The following SLC24A4 variants were observed in gnomAD, a reference collection of about 807,000 sequenced individuals.
SLC24A4 encodes solute carrier family 24 member 4.
A neutral mutation model predicts 79.0 loss-of-function variants in SLC24A4; 53 were observed. That is an observed-to-expected ratio of 0.67 (90% CI 0.54 to 0.84). The LOEUF (loss-of-function observed/expected upper bound fraction) is 0.84. SLC24A4 is among the 40% of genes least tolerant of loss of function. SLC24A4 has a pLI of 0.00. For missense variants in SLC24A4, 731 were observed against 822.0 expected (o/e 0.89, Z 1.35); for synonymous variants, 323 against 323.8 (o/e 1.00, Z 0.03).
chr14:92,410,619 C>T (rs1890656553), intron 2 of SLC24A4, among the ~76,000 whole-genome samples: 1 of 152,198 alleles, frequency 6.6e-6, no homozygotes, highest in South Asian at 2.1e-4. Context: ...GGCCCTCTCC[C>T]ACACCCTTTA....
intron 12 of SLC24A4, among the ~76,000 whole-genome samples, chr14:92,466,242 A>G (rs1369012986): frequency 6.6e-6 from 1 of 152,238 alleles, no homozygotes; most frequent in Non-Finnish European, 1.5e-5. Context: ...GGAAGTTAAC[A>G]TGGTTAATAT....
chr14:92,399,590 GGT>G (rs1889978617), intron 2 of SLC24A4, among the ~76,000 whole-genome samples: 1 of 152,272 alleles, frequency 6.6e-6, no homozygotes, highest in East Asian at 1.9e-4. Flanking sequence ...ATTGCTTTCT[GGT>G]TATGGCTGTG....
At chr14:92,446,917 C>T (rs1430353336) in intron 8 of SLC24A4, among the ~76,000 whole-genome samples, 2 of 152,190 alleles carry the variant, frequency 1.3e-5, no homozygotes, top group East Asian at 3.9e-4. Flanking sequence ...CATATTCAGT[C>T]AGCTCTCAGG....
At chr14:92,447,248 C>T in intron 8 of SLC24A4, 123 bp from the exon 9 acceptor site, 1 of 802,172 alleles carries the variant, frequency 1.2e-6, no homozygotes, top group Admixed American at 2.1e-5. Context: ...GGGTTCTGGG[C>T]CCGGCACTAG....
chr14:92,350,513 A>T (rs1486104536), intron 2 of SLC24A4, among the ~76,000 whole-genome samples: 1 of 152,182 alleles, frequency 6.6e-6, no homozygotes, highest in Non-Finnish European at 1.5e-5. Flanking sequence ...CTTGGGTACC[A>T]TCCCTAAGGA....
intron 2 of SLC24A4, among the ~76,000 whole-genome samples, chr14:92,338,346 T>A (rs889065000): frequency 6.6e-6 from 1 of 151,730 alleles, no homozygotes; most frequent in Non-Finnish European, 1.5e-5. Flanking sequence ...ATATGATTAC[T>A]ACTGTTTGCC....
At chr14:92,329,367 G>A (rs1885336832) in intron 2 of SLC24A4, among the ~76,000 whole-genome samples, 1 of 152,202 alleles carries the variant, frequency 6.6e-6, no homozygotes, top group Non-Finnish European at 1.5e-5. Flanking sequence ...ATGGGACCCT[G>A]CTCTAGTCTT....
chr14:92,365,658 T>G (rs941640), intron 2 of SLC24A4, among the ~76,000 whole-genome samples: 10,534 of 152,288 alleles, frequency 0.069, 461 homozygotes, highest in Admixed American at 0.093. Flanking sequence ...TGCGAGTCAC[T>G]TGGGGTGTGT....
At chr14:92,448,345 T>TCACACACACACAC (rs1555371193) in intron 9 of SLC24A4, among the ~76,000 whole-genome samples, 1 of 131,952 alleles carries the variant, frequency 7.6e-6, no homozygotes, top group African/African-American at 2.9e-5. Flanking sequence ...TCCCACTACA[T>TCACACACACACAC]ACACACACAC....
At chr14:92,387,704 A>G (rs1377138162) in intron 2 of SLC24A4, among the ~76,000 whole-genome samples, 3 of 152,178 alleles carry the variant, frequency 2.0e-5, no homozygotes, top group Non-Finnish European at 4.4e-5. Context: ...CATGAGCACT[A>G]ACTCCACATT....
At chr14:92,333,816 C>T (rs1035549646) in intron 2 of SLC24A4, among the ~76,000 whole-genome samples, 6 of 127,880 alleles carry the variant, frequency 4.7e-5, no homozygotes, top group East Asian at 2.3e-4. Flanking sequence ...TTGTGGGGTG[C>T]GGGGGGAGAG....
chr14:92,471,854 T>A (rs1229820010), intron 12 of SLC24A4, among the ~76,000 whole-genome samples: 1 of 152,176 alleles, frequency 6.6e-6, no homozygotes, highest in East Asian at 1.9e-4. Flanking sequence ...ATGAGAACAA[T>A]GAATGCCCTC....
chr14:92,350,048 G>C (rs1427701480), intron 2 of SLC24A4, among the ~76,000 whole-genome samples: 1 of 152,198 alleles, frequency 6.6e-6, no homozygotes. Flanking sequence ...GGGCAAACTT[G>C]CCAGAGCCCA....
chr14:92,343,918 G>A (rs965865094), intron 2 of SLC24A4, among the ~76,000 whole-genome samples: 4 of 152,112 alleles, frequency 2.6e-5, no homozygotes, highest in Non-Finnish European at 5.9e-5. Context: ...GGCCAGGCTG[G>A]TCTTGAACTC....
intron 10 of SLC24A4, chr14:92,452,352 T>A (rs1302075512): frequency 6.6e-6 from 1 of 152,540 alleles, no homozygotes; most frequent in Non-Finnish European, 1.5e-5. Context: ...GATTTGAGCT[T>A]TCATGCAGCA....
intron 12 of SLC24A4, among the ~76,000 whole-genome samples, chr14:92,477,437 T>C (rs529074839): frequency 6.6e-6 from 1 of 152,330 alleles, no homozygotes; most frequent in African/African-American, 2.4e-5. Context: ...TTTCATGGTC[T>C]ATCTTTTCCT....
chr14:92,413,526 G>A (rs1407307530), intron 2 of SLC24A4, among the ~76,000 whole-genome samples: 2 of 152,110 alleles, frequency 1.3e-5, no homozygotes, highest in African/African-American at 2.4e-5. Context: ...CTCTCCCCAC[G>A]GCATGTGTCT....
chr14:92,426,495 G>T lies in SLC24A4; in HGVS notation c.242-7417G>T, dbSNP rs1162143211. ...GTCCAGCTGTAGAAATTCTATAGTGGTTGCTCCTGGAAAGAACATTCCTGT... is the reference window on the plus strand; with the variant it reads ...GTCCAGCTGTAGAAATTCTATAGTGTTTGCTCCTGGAAAGAACATTCCTGT... On this transcript the variant is annotated intron_variant, in intron 2 of 16. Transcript: ENST00000532405. Among the ~76,000 whole-genome samples the T allele has an allele frequency of 3.3e-5, 5 of 152,196 alleles. No homozygotes were observed. In the East Asian group the frequency reaches 9.6e-4, roughly 29 times the overall value.
At chr14:92,388,604 C>A (rs916184822) in intron 2 of SLC24A4, among the ~76,000 whole-genome samples, 1 of 152,238 alleles carries the variant, frequency 6.6e-6, no homozygotes, top group Non-Finnish European at 1.5e-5. Flanking sequence ...TGCAGCTGTG[C>A]ATTTGTATAG....
Sources: allele counts gnomAD v4.1 joint callset (sites outside exome capture counted in the v4.1 genomes callset), GRCh38; gene constraint gnomAD v4.1.1; transcripts MANE v1.5; gene names NCBI Gene and HGNC (gene_info 2026-07-23, HGNC 2026-07-21).